CNIH3: variants seen among roughly 807,000 people sequenced by gnomAD.
CNIH3 encodes protein cornichon homolog 3.
CNIH3 carries 14 observed loss-of-function variants against 24.1 expected under a neutral mutation model. The observed-to-expected ratio is 0.58, with a 90% CI of 0.38 to 0.91. The LOEUF is 0.91. Ranked by LOEUF, CNIH3 falls within the 40% of genes least tolerant of loss-of-function variation. CNIH3 has a pLI of 0.00. For missense variants in CNIH3, 178 were observed against 196.8 expected (o/e 0.90, Z 0.57); for synonymous variants, 68 against 73.8 (o/e 0.92, Z 0.40).
rs548958293 is a variant in CNIH3 at position 224,549,563 on chromosome 1, G to A, written n.450+2624G>A. 5.3e-5 allele frequency among the ~76,000 whole-genome samples: 8 copies of A among 152,100 alleles called. No homozygotes were observed. The South Asian group carries it at 1.2e-3, about 24-fold the overall frequency. On this transcript the variant is annotated intron_variant and non_coding_transcript_variant, in intron 3 of 5. Coordinates refer to the CNIH3 transcript ENST00000471578. Reference sequence around the variant, plus strand: ...CTAAATGTTACAGACAAATCAGAGCGATGACATTTCATTAATATCAGAGGC... The same window carrying A: ...CTAAATGTTACAGACAAATCAGAGCAATGACATTTCATTAATATCAGAGGC...
chr1:224,579,183 T>C (rs1371532047), intron 4 of CNIH3, among the ~76,000 whole-genome samples: 3 of 152,140 alleles, frequency 2.0e-5, no homozygotes, highest in Non-Finnish European at 1.5e-5. Context: ...TTTTAATTTC[T>C]AAGAACGCCA....
chr1:224,535,068 T>C (rs1679231711), intron 2 of CNIH3, among the ~76,000 whole-genome samples: 1 of 152,206 alleles, frequency 6.6e-6, no homozygotes, highest in South Asian at 2.1e-4. Flanking sequence ...GTTGAAGTCC[T>C]AACCCCCAGC....
intron 3 of CNIH3, among the ~76,000 whole-genome samples, chr1:224,698,356 C>CG (rs1159951164): frequency 6.6e-6 from 1 of 152,142 alleles, no homozygotes; most frequent in African/African-American, 2.4e-5. Flanking sequence ...AGGAGGTAGG[C>CG]GGGGAACACG....
intron 1 of CNIH3, among the ~76,000 whole-genome samples, chr1:224,481,299 C>G (rs576681096): frequency 2.2e-4 from 34 of 152,330 alleles, no homozygotes; most frequent in Middle Eastern, 3.4e-3. Flanking sequence ...GGAACACAGC[C>G]AAACCATATC....
At chr1:224,490,430 C>T (rs987177211) in intron 1 of CNIH3, among the ~76,000 whole-genome samples, 1 of 152,118 alleles carries the variant, frequency 6.6e-6, no homozygotes, top group Non-Finnish European at 1.5e-5. Flanking sequence ...TGGTTTTCTC[C>T]CTCTGCTCCC....
In CNIH3 at chr1:224,616,815, G is replaced by T; in HGVS notation, c.-360G>T. The T allele has an allele frequency of 9.1e-7, 1 of 1,099,642 alleles. No homozygotes were observed. The highest frequency in any genetic ancestry group is 1.1e-6 in the Non-Finnish European group (1 of 902,850). 68.1% of individuals were successfully genotyped at this position (1,099,642 alleles called of 1,614,324 possible). On this transcript the variant is annotated 5_prime_UTR_variant, in exon 1 of 6. Transcript: ENST00000272133. ...ATGGGACCTCCTCCCTCGGTCCTCCGTGGAGTCGTCGCATCGCTTGTCGTG... is the reference window on the plus strand; with the variant it reads ...ATGGGACCTCCTCCCTCGGTCCTCCTTGGAGTCGTCGCATCGCTTGTCGTG...
At chr1:224,530,130 CA>C (rs1432407561) in intron 2 of CNIH3, among the ~76,000 whole-genome samples, 2 of 152,180 alleles carry the variant, frequency 1.3e-5, no homozygotes, top group African/African-American at 4.8e-5. Flanking sequence ...AAAGCTTCAC[CA>C]AACACATGCT....
intron 1 of CNIH3, among the ~76,000 whole-genome samples, chr1:224,623,810 G>A (rs1016929076): frequency 6.6e-6 from 1 of 152,082 alleles, no homozygotes; most frequent in Non-Finnish European, 1.5e-5. Flanking sequence ...CCACCTGTCT[G>A]TGTCTTCAGC....
At chr1:224,440,222 CATT>C (rs1399851782) in intron 1 of CNIH3, among the ~76,000 whole-genome samples, 3 of 151,866 alleles carry the variant, frequency 2.0e-5, no homozygotes, top group Admixed American at 1.3e-4. Context: ...CACCTGGCTG[CATT>C]ATTATTATTA....
chr1:224,440,079 C>T (rs562364189), intron 1 of CNIH3, among the ~76,000 whole-genome samples: 4 of 152,310 alleles, frequency 2.6e-5, no homozygotes, highest in Admixed American at 6.5e-5. Flanking sequence ...TGAGCCACTG[C>T]GCCCAGCCAA....
chr1:224,705,243 A>G (rs1687717748), intron 3 of CNIH3, among the ~76,000 whole-genome samples: 1 of 152,198 alleles, frequency 6.6e-6, no homozygotes, highest in Non-Finnish European at 1.5e-5. Context: ...TGCCGAATGC[A>G]GGTAGTTTTT....
At chr1:224,674,576 A>G (rs1241923720) in intron 1 of CNIH3, among the ~76,000 whole-genome samples, 2 of 151,962 alleles carry the variant, frequency 1.3e-5, no homozygotes, top group Non-Finnish European at 2.9e-5. Flanking sequence ...CCGCGCAGTG[A>G]GCTTCCATGG....
At chr1:224,567,541 A>G (rs1393967373) in intron 4 of CNIH3, among the ~76,000 whole-genome samples, 1 of 152,214 alleles carries the variant, frequency 6.6e-6, no homozygotes, top group Non-Finnish European at 1.5e-5. Context: ...TGCCTTTTGT[A>G]TTAGGTTGGT....
intron 3 of CNIH3, among the ~76,000 whole-genome samples, chr1:224,725,555 C>T (rs547420742): frequency 6.6e-6 from 1 of 152,330 alleles, no homozygotes; most frequent in East Asian, 1.9e-4. Context: ...ACAGCTTCTA[C>T]TGTCTTCAAG....
chr1:224,451,813 C>G (rs1184938750), intron 1 of CNIH3, among the ~76,000 whole-genome samples: 1 of 152,140 alleles, frequency 6.6e-6, no homozygotes, highest in East Asian at 1.9e-4. Context: ...AGTGGGGTAG[C>G]AAAGTGGTGA....
chr1:224,595,093 C>T lies in CNIH3; in HGVS notation n.402+28829C>T, dbSNP rs553404482. Among the ~76,000 whole-genome samples the T allele has an allele frequency of 1.8e-3, 280 of 152,312 alleles. 1 individual carries two copies. Among genetic ancestry groups the T allele is most frequent in the Non-Finnish European group, 2.8e-3 (191 of 68,030 alleles). On this transcript the variant is annotated intron_variant and non_coding_transcript_variant, in intron 3 of 7. Coordinates refer to the CNIH3 transcript ENST00000478120. ...ATTTCAAATTTGCCCTGTTGTCAGGCTGGAGTGCAGGGAAGTGATCAGAGC... is the reference window on the plus strand; with the variant it reads ...ATTTCAAATTTGCCCTGTTGTCAGGTTGGAGTGCAGGGAAGTGATCAGAGC...
intron 2 of CNIH3, among the ~76,000 whole-genome samples, chr1:224,546,658 T>C (rs1007884005): frequency 1.3e-5 from 2 of 152,138 alleles, no homozygotes; most frequent in African/African-American, 4.8e-5. Flanking sequence ...CAGAGAAAAT[T>C]TATGTAAAAT....
intron 1 of CNIH3, among the ~76,000 whole-genome samples, chr1:224,624,872 A>G (rs1361996309): frequency 6.6e-6 from 1 of 152,174 alleles, no homozygotes; most frequent in Non-Finnish European, 1.5e-5. Flanking sequence ...TGCAATTCCC[A>G]AATGGGCTGT....
chr1:224,624,619 TC>T (rs568677121), intron 1 of CNIH3, among the ~76,000 whole-genome samples: 53 of 152,164 alleles, frequency 3.5e-4, no homozygotes, highest in Non-Finnish European at 6.6e-4. Context: ...TTGCTGTTTC[TC>T]AGAGCATCGT....
Sources: allele counts gnomAD v4.1 joint callset (sites outside exome capture counted in the v4.1 genomes callset), GRCh38; gene constraint gnomAD v4.1.1; transcripts MANE v1.5; gene names NCBI Gene and HGNC (gene_info 2026-07-23, HGNC 2026-07-21).